AIFM2: variants seen among roughly 807,000 people sequenced by gnomAD.
AIFM2 encodes AIF family member 2, ferroptosis suppressor.
In AIFM2, 38 loss-of-function variants were observed where a neutral mutation model predicts 35.7. The ratio of observed to expected loss-of-function variants is 1.06; its 90% CI spans 0.82 to 1.39. AIFM2 has a LOEUF of 1.39. Among genes scored for constraint, AIFM2 ranks in the 40% most tolerant of loss-of-function variants. The probability of loss-of-function intolerance (pLI) is 0.00; values close to 1 mark genes in which losing one functional copy is unlikely to be tolerated. For synonymous variants in AIFM2, 185 were observed against 203.5 expected, an observed-to-expected ratio of 0.91 and a Z score of 0.77; for missense variants, 476 against 491.2, an observed-to-expected ratio of 0.97 and a Z score of 0.29.
In AIFM2 at chr10:70,115,070, C is replaced by T. The variant is rs556122563; in HGVS notation, c.820G>A (p.Val274Met). 2.6e-5 allele frequency: 42 copies of T among 1,614,164 alleles called. No individual in the cohort carries two copies. In the East Asian group the frequency reaches 4.0e-4, roughly 15 times the overall value. Residue 274 changes from valine (V) to methionine (M), a missense_variant, in exon 8 of 9, where the codon GTG (valine) becomes ATG (methionine). Transcript: ENST00000307864. ...GCGTAGACGTTGCTGTGGCCCTCCACCTGGAGGTGCTCGTTCACTCTCAGA... is the reference window on the plus strand; with the variant it reads ...GCGTAGACGTTGCTGTGGCCCTCCATCTGGAGGTGCTCGTTCACTCTCAGA... ...GALRVNEHLQVEGHSNVYAIG... is the reference protein window; with the variant it reads ...GALRVNEHLQMEGHSNVYAIG...
At chr10:70,128,691 T>G (rs2136668002) in intron 1 of AIFM2, among the ~76,000 whole-genome samples, 1 of 152,318 alleles carries the variant, frequency 6.6e-6, no homozygotes, top group East Asian at 1.9e-4. Context: ...ACAAAAAGTC[T>G]GTCCATGAAA....
rs946982802 is a variant in AIFM2 at position 70,112,532 on chromosome 10, C to T, written c.*1646G>A. The T allele has an allele frequency of 6.6e-6, 1 of 152,238 alleles. No homozygotes were observed. Among genetic ancestry groups the T allele is most frequent in the Non-Finnish European group, 1.5e-5 (1 of 68,068 alleles). The allele number at this position is 152,238 out of a possible 1,614,324, so 9.4% of individuals were successfully genotyped here. A position where few individuals can be genotyped will look rare whatever the true frequency, so the allele number is the denominator to read the frequency against. ...TACTTGGATGCAACCACCAGGGGAA[C>T]AGCCATCCTCCAATAGAGGCACACG... On this transcript the variant is annotated 3_prime_UTR_variant, in exon 9 of 9. Transcript: ENST00000307864.
intron 8 of AIFM2, 117 bp from the exon 9 acceptor site, chr10:70,114,446 T>C: frequency 7.6e-7 from 1 of 1,312,586 alleles, no homozygotes; most frequent in Non-Finnish European, 1.1e-6. Context: ...GTGAAATCGC[T>C]TTAGGAAGGT....
Position 70,116,782 on chromosome 10 carries a change from G to T in AIFM2, c.617-8C>A. The T allele has an allele frequency of 1.2e-6, 2 of 1,613,606 alleles. No homozygotes were observed. The highest frequency in any genetic ancestry group is 1.7e-6 in the Non-Finnish European group (2 of 1,179,594). On this transcript the variant is annotated splice_polypyrimidine_tract_variant and splice_region_variant and intron_variant, in intron 6 of 8. Transcript: ENST00000307864. The stretch of plus-strand genomic sequence containing the variant: ...GATTGCTCACCCGCTCACCTAGAAG[G>T]GGGTTCATGACCAGGAGGCTGGTGG...
intron 5 of AIFM2, among the ~76,000 whole-genome samples, chr10:70,120,252 G>A (rs1296073079): frequency 6.6e-6 from 1 of 152,252 alleles, no homozygotes; most frequent in Non-Finnish European, 1.5e-5. Context: ...CTCCAAGTTG[G>A]AGCAGAGGGC....
At chr10:70,123,629 C>T in intron 2 of AIFM2, 109 bp from the exon 3 acceptor site, 5 of 1,041,178 alleles carry the variant, frequency 4.8e-6, no homozygotes, top group Non-Finnish European at 5.8e-6. Context: ...GTGCCCTTGA[C>T]CAAAGCGTCG....
intron 1 of AIFM2, among the ~76,000 whole-genome samples, chr10:70,130,316 G>A (rs2072614476): frequency 6.6e-6 from 1 of 152,008 alleles, no homozygotes; most frequent in South Asian, 2.1e-4. Flanking sequence ...AATAAATCCT[G>A]TACCCCACCT....
intron 1 of AIFM2, 142 bp downstream of exon 1, chr10:70,132,592 C>G (rs1248390644): frequency 6.6e-6 from 1 of 152,322 alleles, no homozygotes; most frequent in Non-Finnish European, 1.5e-5. Context: ...CCTCTCCTCG[C>G]AGCGCCACAA....
intron 6 of AIFM2, among the ~76,000 whole-genome samples, chr10:70,116,976 TC>T (rs1370062630): frequency 6.6e-6 from 1 of 152,110 alleles, no homozygotes; most frequent in Non-Finnish European, 1.5e-5. Flanking sequence ...CCCCGAGGGG[TC>T]CCTCTGGAGA....
intron 5 of AIFM2, among the ~76,000 whole-genome samples, chr10:70,119,183 C>T (rs2072470404): frequency 6.6e-6 from 1 of 152,228 alleles, no homozygotes; most frequent in Admixed American, 6.5e-5. Flanking sequence ...GCCCTATGTG[C>T]CCCTTCATCT....
Position 70,114,260 on chromosome 10 carries a change from C to T in AIFM2, c.1040G>A (p.Gly347Asp). Residue 347 changes from glycine (G) to aspartate (D), a missense_variant, in exon 9 of 9, where the codon GGC (glycine) becomes GAC (aspartate). By Grantham distance (94) the Gly-to-Asp change is moderately conservative. Coordinates refer to ENST00000307864, the MANE Select transcript of AIFM2 (RefSeq NM_032797.6). The stretch of plus-strand genomic sequence containing the variant: ...CTTGGTCAGCCGAACCATGAGCCGG[C>T]CCACATAGAAGCCACTGATTTGGCC... ...GVGQISGFYV[G>D]RLMVRLTKSR... 6.2e-7 allele frequency: 1 copy of T among 1,613,908 alleles called. No individual in the cohort carries two copies. The highest frequency in any genetic ancestry group is 8.5e-7 in the Non-Finnish European group (1 of 1,179,998).
chr10:70,114,429 C>G lies in AIFM2; in HGVS notation c.971-100G>C, dbSNP rs1033496023. 4.1e-6 allele frequency: 6 copies of G among 1,459,812 alleles called. No homozygotes were observed. The East Asian group carries it at 1.2e-4, about 28-fold the overall frequency. 90.4% of individuals were successfully genotyped at this position (1,459,812 alleles called of 1,614,324 possible). On this transcript the variant is annotated intron_variant, in intron 8 of 8. Coordinates refer to ENST00000307864, the MANE Select transcript of AIFM2 (RefSeq NM_032797.6). ...TTCCCGAGGCCTTCAGACTCAGGGC[C>G]GGAAATGTGAAATCGCTTTAGGAAG... is the stretch of plus-strand genomic sequence containing the variant.
intron 3 of AIFM2, among the ~76,000 whole-genome samples, chr10:70,123,191 G>GT (rs1361393528): frequency 1.3e-5 from 2 of 152,138 alleles, no homozygotes; most frequent in Non-Finnish European, 2.9e-5. Flanking sequence ...GCTAATTTTT[G>GT]TATTTTCAGT....
rs932010951 is a variant in AIFM2 at position 70,114,102 on chromosome 10, C to T, written c.*76G>A. ...CAGAAGAATAGCATTAGTTCTAGCA[C>T]TTGCCAGGCGGGTGCCATGCGCCAA... On this transcript the variant is annotated 3_prime_UTR_variant, in exon 9 of 9. Coordinates refer to ENST00000307864, the MANE Select transcript of AIFM2 (RefSeq NM_032797.6). 1.7e-5 allele frequency: 26 copies of T among 1,518,140 alleles called. No individual in the cohort carries two copies. In the African/African-American group the frequency reaches 3.5e-4, roughly 20 times the overall value. The allele number at this position is 1,518,140 out of a possible 1,614,324, so 94.0% of individuals were successfully genotyped here. A position where few individuals can be genotyped will look rare whatever the true frequency, so the allele number is the denominator to read the frequency against.
intron 1 of AIFM2, 116 bp from the exon 2 acceptor site, chr10:70,124,213 T>C: frequency 1.3e-6 from 1 of 747,254 alleles, no homozygotes; most frequent in Non-Finnish European, 1.9e-6. Context: ...GGTAAATCTT[T>C]GATTAATGAA....
At position 70,114,251 on chromosome 10, in the gene AIFM2, A is replaced by G. The variant is rs1224068434; in HGVS notation, c.1049T>C (p.Met350Thr). The G allele has an allele frequency of 7.4e-6, 12 of 1,613,920 alleles. No homozygotes were observed. The highest frequency in any genetic ancestry group is 1.0e-5 in the Non-Finnish European group (12 of 1,179,990). The change falls in exon 9 of 9, where the codon ATG (methionine) becomes ACG (threonine). Residue 350 changes from methionine to threonine, a missense_variant. Coordinates refer to ENST00000307864, the MANE Select transcript of AIFM2 (RefSeq NM_032797.6). ...GTCCCGGCTCTTGGTCAGCCGAACC[A>G]TGAGCCGGCCCACATAGAAGCCACT... is the stretch of plus-strand genomic sequence containing the variant. The part of the protein sequence containing the change: ...QISGFYVGRL[M>T]VRLTKSRDLF...
intron 5 of AIFM2, among the ~76,000 whole-genome samples, chr10:70,119,788 C>G (rs776504437): frequency 2.0e-5 from 3 of 152,226 alleles, no homozygotes; most frequent in Non-Finnish European, 2.9e-5. Flanking sequence ...CAACCGCAAG[C>G]AAGCTCTCGC....
intron 5 of AIFM2, 51 bp downstream of exon 5, chr10:70,120,456 G>A: frequency 1.3e-6 from 2 of 1,572,418 alleles, no homozygotes; most frequent in South Asian, 1.1e-5. Flanking sequence ...CTAAGATAAT[G>A]CAGAAAAAAG....
chr10:70,115,217 G>A (rs1340218189), intron 7 of AIFM2, 97 bp from the exon 8 acceptor site: 1 of 1,338,646 alleles, frequency 7.5e-7, no homozygotes, highest in African/African-American at 1.5e-5. Context: ...CTGGTCAATA[G>A]GTGCTGGTCA....
Sources: allele counts gnomAD v4.1 joint callset (sites outside exome capture counted in the v4.1 genomes callset), GRCh38; gene constraint gnomAD v4.1.1; transcripts MANE v1.5; gene names NCBI Gene and HGNC (gene_info 2026-07-23, HGNC 2026-07-21).